Variants in SLC5A5 observed in about 807,000 individuals in gnomAD.
SLC5A5 encodes the protein sodium/iodide cotransporter.
In SLC5A5, 56 loss-of-function variants were observed where a neutral mutation model predicts 68.6. The observed-to-expected ratio is 0.82, with a 90% CI of 0.66 to 1.02. The LOEUF (loss-of-function observed/expected upper bound fraction) is 1.02, where lower values mean the gene tolerates loss of function less well. Among genes scored for constraint, SLC5A5 ranks in the 50% least tolerant of loss-of-function variants. SLC5A5 has a pLI of 0.00. For missense variants in SLC5A5, 807 were observed against 859.8 expected (o/e 0.94, Z 0.77); for synonymous variants, 398 against 373.0 (o/e 1.07, Z -0.77).
In SLC5A5 at chr19:17,878,989, CAAAAAAAAAAA is replaced by C. The variant is rs764175985; in HGVS notation, c.969+898_969+908del. Among the ~76,000 whole-genome samples the C allele has an allele frequency of 7.3e-4, 77 of 106,116 alleles. No homozygotes were observed. The East Asian group carries it at 0.02, about 27-fold the overall frequency. The allele number at this position is 106,116 out of a possible 152,430, so 69.6% of individuals were successfully genotyped here. On this transcript the variant is annotated intron_variant, in intron 7 of 14. Transcript: ENST00000222248. ...GACTCCATCTCAAAAAAAAAAAAAA[CAAAAAAAAAAA>C]ACCAAAACAAGGCTGGGCGCGGTGG...
intron 12 of SLC5A5, 99 bp from the exon 13 acceptor site, chr19:17,888,232 G>T: frequency 7.0e-7 from 1 of 1,429,598 alleles, no homozygotes. Context: ...CTAGGCCATG[G>T]CAGTTGGGGG....
intron 7 of SLC5A5, among the ~76,000 whole-genome samples, chr19:17,879,903 A>AT (rs1278372382): frequency 6.9e-5 from 10 of 144,346 alleles, no homozygotes; most frequent in South Asian, 2.1e-4. Context: ...ATCTTTACAC[A>AT]ATTTTTTTTT....
intron 13 of SLC5A5, among the ~76,000 whole-genome samples, chr19:17,889,032 A>T (rs911192706): frequency 1.0e-4 from 15 of 148,374 alleles, no homozygotes; most frequent in Non-Finnish European, 1.2e-4. Flanking sequence ...AAAAGAAATT[A>T]TGAATATATA....
chr19:17,875,498 C>G (rs892477361), intron 4 of SLC5A5, among the ~76,000 whole-genome samples: 4 of 152,080 alleles, frequency 2.6e-5, no homozygotes, highest in Non-Finnish European at 5.9e-5. Context: ...CACAGTGGCT[C>G]ATACCTGTAA....
At chr19:17,889,579 C>T (rs1253715148) in intron 13 of SLC5A5, among the ~76,000 whole-genome samples, 2 of 152,042 alleles carry the variant, frequency 1.3e-5, no homozygotes. Context: ...TGAAAGCAAT[C>T]CTCCCACCTC....
intron 5 of SLC5A5, among the ~76,000 whole-genome samples, chr19:17,876,470 G>A (rs533674749): frequency 6.6e-6 from 1 of 151,406 alleles, no homozygotes; most frequent in African/African-American, 2.4e-5. Flanking sequence ...GTTCATGCCT[G>A]TAATCCCAGC....
intron 5 of SLC5A5, 27 bp downstream of exon 5, chr19:17,876,133 A>C (rs1416050625): frequency 6.2e-7 from 1 of 1,612,590 alleles, no homozygotes; most frequent in Non-Finnish European, 8.5e-7. Flanking sequence ...AGGATACTCC[A>C]GCAGGATGGG....
At chr19:17,892,697 A>C (rs1044688558) in intron 14 of SLC5A5, among the ~76,000 whole-genome samples, 9 of 146,804 alleles carry the variant, frequency 6.1e-5, no homozygotes, top group African/African-American at 1.8e-4. Flanking sequence ...AGAGAGAGAG[A>C]GCAAGCTAAA....
intron 7 of SLC5A5, 100 bp downstream of exon 7, chr19:17,878,193 A>G: frequency 7.3e-7 from 1 of 1,372,900 alleles, no homozygotes; most frequent in African/African-American, 1.4e-5. Context: ...GGCCTGTGCA[A>G]AGGCCAAGAA....
intron 5 of SLC5A5, among the ~76,000 whole-genome samples, chr19:17,877,238 A>C (rs2147734035): frequency 6.6e-6 from 1 of 152,228 alleles, no homozygotes; most frequent in African/African-American, 2.4e-5. Context: ...CAAATACGTG[A>C]ATTTTCAATC....
Position 17,889,004 on chromosome 19 carries a change from T to C in SLC5A5, c.1651+549T>C, listed in dbSNP as rs369565649. Among the ~76,000 whole-genome samples the C allele has an allele frequency of 8.6e-5, 13 of 151,768 alleles. No individual in the cohort carries two copies. The South Asian group carries it at 2.7e-3, about 32-fold the overall frequency. On this transcript the variant is annotated intron_variant, in intron 13 of 14. Transcript: ENST00000222248. ...TATATATACACATACATACACACTT[T>C]TATGTGTATATATACATAAAAGAAA...
rs771453080 is a variant in SLC5A5, at chr19:17,884,066, G to T, written c.1526+20G>T. On this transcript the variant is annotated intron_variant, in intron 12 of 14. Coordinates refer to ENST00000222248, the MANE Select transcript of SLC5A5 (RefSeq NM_000453.3). Reference sequence around the variant, plus strand: ...CCCCAGGTGAGCAGACTTGAGGGTAGGGGGGTACCCGAGCCCTGGATGGTG... The same window carrying T: ...CCCCAGGTGAGCAGACTTGAGGGTATGGGGGTACCCGAGCCCTGGATGGTG... 7.8e-6 allele frequency: 12 copies of T among 1,538,560 alleles called. No homozygotes were observed. The highest frequency in any genetic ancestry group is 6.8e-5 in the African/African-American group (5 of 73,416).
At chr19:17,883,530 G>T in intron 10 of SLC5A5, 151 bp from the exon 11 acceptor site, 3 of 728,104 alleles carry the variant, frequency 4.1e-6, no homozygotes, top group South Asian at 1.5e-5. Context: ...CAAGGGGGGG[G>T]GGTCCTCTCC....
At chr19:17,872,823 C>T (rs929385775) in intron 1 of SLC5A5, 147 bp downstream of exon 1, 26 of 639,606 alleles carry the variant, frequency 4.1e-5, no homozygotes, top group Non-Finnish European at 7.3e-5. Context: ...TAGGCAGACA[C>T]GTGGGGAGGG....
At position 17,876,353 on chromosome 19, in the gene SLC5A5, G is replaced by A. The variant is rs139552068; in HGVS notation, c.698+247G>A. Among the ~76,000 whole-genome samples the A allele has an allele frequency of 8.3e-3, 1,263 of 151,392 alleles. 1 individual carries two copies. Among genetic ancestry groups the A allele is most frequent in the Non-Finnish European group, 0.013 (891 of 67,906 alleles). On this transcript the variant is annotated intron_variant, in intron 5 of 14. Coordinates refer to ENST00000222248, the MANE Select transcript of SLC5A5 (RefSeq NM_000453.3). ...GAGGCTGGAGGATTGCTTGAGCCCG[G>A]TAGGTGGAGGCTGCAGCAAGCTGAG...
chr19:17,874,228 C>A (rs373052427), intron 2 of SLC5A5, 25 bp downstream of exon 2: 2 of 1,541,362 alleles, frequency 1.3e-6, no homozygotes, highest in Non-Finnish European at 1.8e-6. Context: ...CCCCGCCCTC[C>A]GCTCAGGGCC....
intron 4 of SLC5A5, among the ~76,000 whole-genome samples, chr19:17,875,118 C>T (rs1453185404): frequency 1.3e-5 from 2 of 152,054 alleles, no homozygotes; most frequent in Non-Finnish European, 2.9e-5. Context: ...GTCTGTAATC[C>T]CAGCACTTTG....
chr19:17,890,573 G>T (rs1230224568), intron 13 of SLC5A5, among the ~76,000 whole-genome samples: 1 of 152,042 alleles, frequency 6.6e-6, no homozygotes, highest in Non-Finnish European at 1.5e-5. Context: ...TTAATATTTT[G>T]TAGAGATGGG....
At chr19:17,884,189 T>C in intron 12 of SLC5A5, 143 bp downstream of exon 12, 1 of 761,572 alleles carries the variant, frequency 1.3e-6, no homozygotes, top group East Asian at 2.7e-5. Context: ...GCAAAGGCCC[T>C]GAGGCCACAA....
Sources: gnomAD v4.1 joint callset for allele counts (sites outside exome capture counted in the v4.1 genomes callset) on GRCh38, gnomAD v4.1.1 for gene constraint, MANE v1.5 for transcripts, NCBI Gene and HGNC (gene_info 2026-07-23, HGNC 2026-07-21) for gene names.